The following DOCK5 variants were observed in gnomAD, a reference collection of about 807,000 sequenced individuals.
DOCK5 encodes dedicator of cytokinesis 5, also known as dedicator of cytokinesis protein 5.
A neutral mutation model predicts 251.8 loss-of-function variants in DOCK5; 142 were observed. The ratio of observed to expected loss-of-function variants is 0.56; its 90% CI spans 0.49 to 0.65. The LOEUF (loss-of-function observed/expected upper bound fraction) is 0.65. Ranked by LOEUF, DOCK5 falls within the 30% of genes least tolerant of loss-of-function variation. DOCK5 has a pLI of 0.00. For missense variants in DOCK5, 2,111 were observed against 2,312.3 expected (o/e 0.91, Z 1.79); for synonymous variants, 842 against 835.5 (o/e 1.01, Z -0.13).
At chr8:25,373,990 A>G (rs1000916627) in intron 36 of DOCK5, among the ~76,000 whole-genome samples, 1 of 152,192 alleles carries the variant, frequency 6.6e-6, no homozygotes, top group African/African-American at 2.4e-5. Context: ...CTGAACATGA[A>G]ACAAACTTGT....
chr8:25,334,404 T>G (rs1805753130), intron 21 of DOCK5, among the ~76,000 whole-genome samples: 1 of 152,222 alleles, frequency 6.6e-6, no homozygotes, highest in Non-Finnish European at 1.5e-5. Context: ...GCCTTCATTC[T>G]GGATCAGGCG....
rs774962614 is a variant in DOCK5, at chr8:25,377,344, G to T, written c.3856G>T (p.Asp1286Tyr). The change falls in exon 38 of 52, where the codon GAC (aspartate) becomes TAC (tyrosine). Residue 1286 changes from aspartate (D) to tyrosine (Y), a missense_variant. Asp to Tyr is a radical substitution (Grantham distance 160). Around this residue, in one of 3 missense-constraint regions of DOCK5, gnomAD observed 1,717 missense variants for 1,892.4 expected, o/e 0.91. Transcript: ENST00000276440. ...KPCVPHLLQK[D>Y]SYYVYTQQEL... ...CTGTGTGCCTCATTTGCTTCAGAAG[G>T]ACAGTTACTATGTTTATACCCAGCA... The T allele has an allele frequency of 2.0e-5, 33 of 1,613,416 alleles. No homozygotes were observed. The highest frequency in any genetic ancestry group is 2.8e-5 in the Non-Finnish European group (33 of 1,179,642).
intron 22 of DOCK5, among the ~76,000 whole-genome samples, chr8:25,337,443 G>A (rs1338306543): frequency 6.6e-6 from 1 of 151,368 alleles, no homozygotes; most frequent in Non-Finnish European, 1.5e-5. Context: ...TGTCACATTT[G>A]TCCAGTAATA....
rs537508375 is a variant in DOCK5, at chr8:25,410,473, G to C, written c.5508+271G>C. On this transcript the variant is annotated intron_variant, in intron 51 of 51. Coordinates refer to ENST00000276440, the MANE Select transcript of DOCK5 (RefSeq NM_024940.8). Reference sequence around the variant, plus strand: ...CGTGAGTTCTAGTTCACCTTTTTAGGGGGGCGGGGGCAGGGTCTGGCTCTG... The same window carrying C: ...CGTGAGTTCTAGTTCACCTTTTTAGCGGGGCGGGGGCAGGGTCTGGCTCTG... Among the ~76,000 whole-genome samples, 82 of 151,860 alleles carry C rather than the reference G, an allele frequency of 5.4e-4. 1 individual carries two copies. Among genetic ancestry groups the C allele is most frequent in the Admixed American group, 2.1e-3 (32 of 15,248 alleles).
intron 13 of DOCK5, among the ~76,000 whole-genome samples, chr8:25,310,907 G>A (rs1422983729): frequency 6.6e-6 from 1 of 151,996 alleles, no homozygotes; most frequent in African/African-American, 2.4e-5. Context: ...TCTCTTTTAC[G>A]CAGACTCTCT....
chr8:25,239,402 G>A (rs1396878437), intron 1 of DOCK5, among the ~76,000 whole-genome samples: 1 of 151,140 alleles, frequency 6.6e-6, no homozygotes, highest in African/African-American at 2.4e-5. Flanking sequence ...GTTTGTGTTT[G>A]GAGCTTCCAG....
intron 1 of DOCK5, among the ~76,000 whole-genome samples, chr8:25,203,422 A>G (rs1801925989): frequency 6.6e-6 from 1 of 152,346 alleles, no homozygotes; most frequent in Non-Finnish European, 1.5e-5. Flanking sequence ...AAATTCAGAA[A>G]TAGTTTGAGG....
At chr8:25,398,747 A>AT (rs1801388158) in intron 45 of DOCK5, among the ~76,000 whole-genome samples, 1 of 152,208 alleles carries the variant, frequency 6.6e-6, no homozygotes, top group Non-Finnish European at 1.5e-5. Flanking sequence ...GACACCAGTC[A>AT]TATGGGCTTA....
chr8:25,410,970 T>C (rs1472718879), intron 51 of DOCK5, among the ~76,000 whole-genome samples: 115 of 18,634 alleles, frequency 6.2e-3, no homozygotes, highest in African/African-American at 0.017. Context: ...TGTGTGTGTG[T>C]GTGCGCGCGC....
chr8:25,185,064 C>T, intron 1 of DOCK5, 113 bp downstream of exon 1: 1 of 1,177,458 alleles, frequency 8.5e-7, no homozygotes, highest in Non-Finnish European at 1.1e-6. Context: ...GGGGCTCGGC[C>T]CGGCTGCGCA....
intron 26 of DOCK5, among the ~76,000 whole-genome samples, chr8:25,350,031 G>A (rs1241418420): frequency 6.6e-6 from 1 of 152,212 alleles, no homozygotes; most frequent in Admixed American, 6.5e-5. Flanking sequence ...ACCAGGGGCA[G>A]GATGGGGAGA....
chr8:25,237,026 G>A (rs1802818998), intron 1 of DOCK5, among the ~76,000 whole-genome samples: 1 of 152,086 alleles, frequency 6.6e-6, no homozygotes, highest in Admixed American at 6.6e-5. Flanking sequence ...CTATTCTTCA[G>A]GGGATTGTAA....
chr8:25,243,167 A>G (rs979861297), intron 1 of DOCK5, among the ~76,000 whole-genome samples: 3 of 152,094 alleles, frequency 2.0e-5, no homozygotes, highest in African/African-American at 7.2e-5. Flanking sequence ...TTGCCCCTCT[A>G]TCACTAGTCT....
chr8:25,334,105 A>G lies in DOCK5; in HGVS notation c.2101A>G (p.Ile701Val). Residue 701 changes from isoleucine (I) to valine (V), a missense_variant, in exon 21 of 52, where the codon ATT becomes GTT. Coordinates refer to ENST00000276440, the MANE Select transcript of DOCK5 (RefSeq NM_024940.8). ...TTTTCACTTTTGGCAGGTATTTATT[A>G]TTTCACTGATAGGAGACATCAAGTT... ...FLVFDALVFI[I>V]SLIGDIKFQH... 6.2e-7 allele frequency: 1 copy of G among 1,613,514 alleles called. No individual in the cohort carries two copies. The highest frequency in any genetic ancestry group is 8.5e-7 in the Non-Finnish European group (1 of 1,179,514).
At chr8:25,187,647 A>C (rs1231435318) in intron 1 of DOCK5, among the ~76,000 whole-genome samples, 1 of 151,890 alleles carries the variant, frequency 6.6e-6, no homozygotes, top group African/African-American at 2.4e-5. Context: ...CAACAGGATA[A>C]AGTCTGAGCC....
intron 1 of DOCK5, among the ~76,000 whole-genome samples, chr8:25,223,204 C>T (rs1160604409): frequency 1.3e-5 from 2 of 152,216 alleles, no homozygotes; most frequent in South Asian, 2.1e-4. Flanking sequence ...CAAGGTCTCA[C>T]TACGTTGCCC....
chr8:25,347,669 C>A (rs1373223872), intron 26 of DOCK5, among the ~76,000 whole-genome samples: 1 of 152,196 alleles, frequency 6.6e-6, no homozygotes, highest in Non-Finnish European at 1.5e-5. Context: ...TTCTAGAAAT[C>A]ATATGTTTAT....
chr8:25,239,341 A>ATATGTG (rs1554521928), intron 1 of DOCK5, among the ~76,000 whole-genome samples: 1 of 142,204 alleles, frequency 7.0e-6, no homozygotes, highest in African/African-American at 2.7e-5. Context: ...GTGTGTGTGT[A>ATATGTG]TGTGTGTGTG....
chr8:25,395,487 A>C, intron 44 of DOCK5, 56 bp from the exon 45 acceptor site: 14 of 1,553,814 alleles, frequency 9.0e-6, no homozygotes, highest in Middle Eastern at 1.7e-4. Context: ...AACTTTTTTC[A>C]GTCTTTACTT....
Sources: gnomAD v4.1 joint callset for allele counts (sites outside exome capture counted in the v4.1 genomes callset) on GRCh38, gnomAD v4.1.1 for gene constraint, gnomAD v4.1.1 regional missense constraint, MANE v1.5 for transcripts, NCBI Gene and HGNC (gene_info 2026-07-23, HGNC 2026-07-21) for gene names.